The following PTGS1 variants were observed in gnomAD, a reference collection of about 807,000 sequenced individuals.
PTGS1 encodes the protein prostaglandin G/H synthase 1.
A neutral mutation model predicts 63.0 loss-of-function variants in PTGS1; 40 were observed. The observed-to-expected ratio is 0.63, with a 90% CI of 0.49 to 0.83. PTGS1 has a LOEUF of 0.83. Among genes scored for constraint, PTGS1 ranks in the 40% least tolerant of loss-of-function variants. PTGS1 has a pLI of 0.00. For missense variants in PTGS1, 709 were observed against 786.5 expected, an observed-to-expected ratio of 0.90 and a Z score of 1.18; for synonymous variants, 298 against 301.9, an observed-to-expected ratio of 0.99 and a Z score of 0.13.
At chr9:122,378,970 T>C in intron 5 of PTGS1, 52 bp downstream of exon 5, 2 of 1,601,782 alleles carry the variant, frequency 1.2e-6, no homozygotes, top group South Asian at 1.1e-5. Context: ...TGCTCAGTTC[T>C]TCTCTTTGGG....
intron 8 of PTGS1, among the ~76,000 whole-genome samples, chr9:122,385,107 G>GCCACCAT (rs1837798524): frequency 6.6e-6 from 1 of 152,026 alleles, no homozygotes; most frequent in Non-Finnish European, 1.5e-5. Context: ...ACAGGTGCCC[G>GCCACCAT]CCACCATGCC....
At chr9:122,371,548 C>T in intron 2 of PTGS1, 4 of 1,401,088 alleles carry the variant, frequency 2.9e-6, no homozygotes, top group East Asian at 2.5e-5. Flanking sequence ...CCATCCCCCT[C>T]ACCTGTTCTG....
At chr9:122,387,837 T>C (rs753841575) in intron 9 of PTGS1, among the ~76,000 whole-genome samples, 1 of 152,256 alleles carries the variant, frequency 6.6e-6, no homozygotes, top group Non-Finnish European at 1.5e-5. Flanking sequence ...AGCTCCCATC[T>C]GCTTCATCGC....
intron 2 of PTGS1, among the ~76,000 whole-genome samples, chr9:122,373,716 A>T (rs1397243621): frequency 1.3e-5 from 2 of 152,164 alleles, no homozygotes; most frequent in African/African-American, 4.8e-5. Flanking sequence ...TCTCGCCAGC[A>T]CCAGTTGGGT....
intron 3 of PTGS1, 125 bp downstream of exon 3, chr9:122,378,140 G>A: frequency 1.0e-6 from 1 of 998,740 alleles, no homozygotes; most frequent in South Asian, 1.5e-5. Flanking sequence ...TCCTTGCCTG[G>A]TTCTGCCCCT....
chr9:122,378,558 C>A lies in PTGS1; in HGVS notation c.337C>A (p.Arg113Ser), dbSNP rs200028534. 46 of 1,614,236 alleles carry A rather than the reference C, an allele frequency of 2.8e-5. No homozygotes were observed. Among genetic ancestry groups the A allele is most frequent in the Non-Finnish European group, 3.8e-5 (45 of 1,180,044 alleles). ...CACCTTCATCCGAGAGATGCTCATG[C>A]GCCTGGTACTCACAGGTGGGTGTGG... ...NATFIREMLMRLVLTVRSNLI... is the reference protein window; with the variant it reads ...NATFIREMLMSLVLTVRSNLI... The change falls in exon 4 of 11, where the codon CGC becomes AGC. Residue 113 changes from arginine (R) to serine (S), a missense_variant. Transcript: ENST00000362012.
At chr9:122,389,985 T>C (rs1186932656) in intron 9 of PTGS1, among the ~76,000 whole-genome samples, 6 of 148,442 alleles carry the variant, frequency 4.0e-5, no homozygotes, top group Admixed American at 6.7e-5. Context: ...AAAAAAAAAA[T>C]GAGGAAGCTG....
At chr9:122,389,265 C>T (rs1468605301) in intron 9 of PTGS1, among the ~76,000 whole-genome samples, 1 of 150,574 alleles carries the variant, frequency 6.6e-6, no homozygotes, top group African/African-American at 2.4e-5. Flanking sequence ...ATTCACCTGC[C>T]TCAGTCTCCC....
At chr9:122,373,897 C>G (rs1213680088) in intron 2 of PTGS1, among the ~76,000 whole-genome samples, 1 of 152,024 alleles carries the variant, frequency 6.6e-6, no homozygotes, top group East Asian at 1.9e-4. Flanking sequence ...CCCAGAGACT[C>G]TCTAAATATT....
intron 8 of PTGS1, 78 bp from the exon 9 acceptor site, chr9:122,386,368 T>C: frequency 1.3e-6 from 2 of 1,486,788 alleles, no homozygotes; most frequent in East Asian, 4.5e-5. Context: ...GCACCTCTCA[T>C]GAACTGGCCT....
intron 2 of PTGS1, 42 bp from the exon 3 acceptor site, chr9:122,377,857 G>C (rs757633672): frequency 8.3e-6 from 13 of 1,568,820 alleles, no homozygotes; most frequent in Admixed American, 1.7e-5. Context: ...GGGTCAGGAG[G>C]CCACCCTAGC....
In PTGS1 at chr9:122,375,625, G is replaced by T. The variant is rs1322578037; in HGVS notation, c.95-2274G>T. 2.6e-5 allele frequency among the ~76,000 whole-genome samples: 4 copies of T among 152,314 alleles called. No homozygotes were observed. In the Middle Eastern group the frequency reaches 0.01, roughly 389 times the overall value. On this transcript the variant is annotated intron_variant, in intron 2 of 10. Transcript: ENST00000362012. ...TGGAAGCTTATGGTGGAGAAGAGCA[G>T]GTTGAATTGGAACCCGGAGCCAGGG...
intron 2 of PTGS1, among the ~76,000 whole-genome samples, chr9:122,377,477 C>T (rs796490909): frequency 1.3e-5 from 2 of 150,248 alleles, no homozygotes; most frequent in Non-Finnish European, 1.5e-5. Context: ...CGCCCCCCCA[C>T]CCCCCGCCCC....
chr9:122,371,638 G>T (rs1836816297), intron 2 of PTGS1: 4 of 1,431,046 alleles, frequency 2.8e-6, no homozygotes, highest in Non-Finnish European at 3.6e-6. Context: ...GAAGCCGCAG[G>T]CACCAAGGGA....
chr9:122,384,473 G>T (rs1837748840), intron 8 of PTGS1, among the ~76,000 whole-genome samples: 1 of 152,176 alleles, frequency 6.6e-6, no homozygotes, highest in Non-Finnish European at 1.5e-5. Context: ...TTAGAGGGAA[G>T]AGGGGCTGGT....
intron 2 of PTGS1, among the ~76,000 whole-genome samples, 171 bp from the exon 3 acceptor site, chr9:122,377,728 G>A (rs1388173980): frequency 1.3e-5 from 2 of 152,192 alleles, no homozygotes; most frequent in African/African-American, 4.8e-5. Context: ...TGTTCACAGA[G>A]GTGGGAACAG....
chr9:122,370,920 G>C (rs1366686541), upstream of PTGS1: 2 of 1,172,360 alleles, frequency 1.7e-6, no homozygotes, highest in African/African-American at 1.5e-5. Context: ...CCTTGGCCGG[G>C]GCTGGGCAGA....
In PTGS1 at chr9:122,371,048, G is replaced by T; in HGVS notation, c.-37G>T. On this transcript the variant is annotated 5_prime_UTR_variant, in exon 1 of 11. Coordinates refer to ENST00000362012, the MANE Select transcript of PTGS1 (RefSeq NM_000962.4). ...CAGTGTGCGAGGCGCACGCACAGGA[G>T]CCTGCACTCTGCGTCCCGCACCCCA... is the stretch of plus-strand genomic sequence containing the variant. 6.3e-7 allele frequency: 1 copy of T among 1,579,366 alleles called. No homozygotes were observed. The highest frequency in any genetic ancestry group is 8.5e-7 in the Non-Finnish European group (1 of 1,170,452).
At chr9:122,391,373 A>G (rs1236372450) in intron 10 of PTGS1, among the ~76,000 whole-genome samples, 7 of 65,872 alleles carry the variant, frequency 1.1e-4, no homozygotes, top group East Asian at 1.4e-3. Flanking sequence ...ATATATATAC[A>G]TATATATATA....
Sources: allele counts gnomAD v4.1 joint callset (sites outside exome capture counted in the v4.1 genomes callset), GRCh38; gene constraint gnomAD v4.1.1; transcripts MANE v1.5; gene names NCBI Gene and HGNC (gene_info 2026-07-23, HGNC 2026-07-21).